CSTL1: variants seen among roughly 807,000 people sequenced by gnomAD.
The protein encoded by CSTL1 is cystatin-like 1.
A neutral mutation model predicts 14.4 loss-of-function variants in CSTL1; 14 were observed. That is an observed-to-expected ratio of 0.97 (90% CI 0.64 to 1.52). The LOEUF is 1.52. CSTL1 is among the 40% of genes most tolerant of loss of function. CSTL1 has a pLI of 0.00. For synonymous variants in CSTL1, 72 were observed against 67.5 expected, an observed-to-expected ratio of 1.07 and a Z score of -0.33; for missense variants, 170 against 168.7, an observed-to-expected ratio of 1.01 and a Z score of -0.04.
At chr20:23,457,049 C>A in the CSTL1 span, among the ~76,000 whole-genome samples, 2 of 152,174 alleles carry the variant, frequency 1.3e-5, no homozygotes, top group Non-Finnish European at 2.9e-5. Flanking sequence ...GCGGACATCT[C>A]GGGTGGGGTG....
In CSTL1 at chr20:23,444,787, C is replaced by G. The variant is rs1986929537; in HGVS notation, c.347C>G (p.Ser116Cys). 1 of 1,612,554 alleles carries G rather than the reference C, an allele frequency of 6.2e-7. No individual in the cohort carries two copies. The highest frequency in any genetic ancestry group is 8.5e-7 in the Non-Finnish European group (1 of 1,178,572). ...KKLRKSLICESLIYTMPWINY... is the reference protein window; with the variant it reads ...KKLRKSLICECLIYTMPWINY... Reference sequence around the variant, plus strand: ...CTTCTACAGAGTTTAATTTGCGAGTCTTTGATATACACCATGCCCTGGATA... The same window carrying G: ...CTTCTACAGAGTTTAATTTGCGAGTGTTTGATATACACCATGCCCTGGATA... Residue 116 changes from serine to cysteine, a missense_variant, in exon 4 of 4, where the codon TCT (serine) becomes TGT (cysteine). Coordinates refer to ENST00000347397, the MANE Select transcript of CSTL1 (RefSeq NM_138283.1).
the CSTL1 span, among the ~76,000 whole-genome samples, chr20:23,455,855 C>A: frequency 6.6e-6 from 1 of 152,332 alleles, no homozygotes; most frequent in Non-Finnish European, 1.5e-5. Context: ...GCCCTCCTGG[C>A]CCTGCATGGG....
rs1986870081 is a variant in CSTL1 at position 23,442,972 on chromosome 20, GC to G, written c.220-961del. Among the ~76,000 whole-genome samples, 3 of 152,210 alleles carry G rather than the reference GC, an allele frequency of 2.0e-5. No homozygotes were observed. In the South Asian group the frequency reaches 6.2e-4, roughly 32 times the overall value. Reference sequence around the variant, plus strand: ...GCGTAGGGCCTCCCTGCCCACAAGGGCTTTTCCAGGCTCCAACCCCTGCAGG... The same window carrying G: ...GCGTAGGGCCTCCCTGCCCACAAGGGTTTTCCAGGCTCCAACCCCTGCAGG... On this transcript the variant is annotated intron_variant, in intron 2 of 3. Coordinates refer to ENST00000347397, the MANE Select transcript of CSTL1 (RefSeq NM_138283.1).
chr20:23,448,073 G>A (rs943189208), downstream of CSTL1, among the ~76,000 whole-genome samples: 10 of 151,800 alleles, frequency 6.6e-5, no homozygotes, highest in Non-Finnish European at 7.4e-5. Flanking sequence ...TTGGGAACAG[G>A]TGCTGTTTGG....
At position 23,443,947 on chromosome 20, in the gene CSTL1, T is replaced by G. The variant is rs1986901577; in HGVS notation, c.233T>G (p.Val78Gly). The part of the protein sequence containing the change: ...IRSQMQLTTG[V>G]EYIVTVKIGW... ...GATTCTCGGCAGCTGACGACGGGAG[T>G]GGAGTATATAGTCACTGTGAAGATT... Residue 78 changes from valine to glycine, a missense_variant, in exon 3 of 4, where the codon GTG (valine) becomes GGG (glycine). Transcript: ENST00000347397. 6.2e-7 allele frequency: 1 copy of G among 1,612,872 alleles called. No homozygotes were observed. The highest frequency in any genetic ancestry group is 1.3e-5 in the African/African-American group (1 of 74,680).
the CSTL1 span, chr20:23,450,348 CTAT>C: frequency 1.9e-6 from 1 of 525,968 alleles, no homozygotes; most frequent in Non-Finnish European, 3.2e-6. Flanking sequence ...CAGATTATTA[CTAT>C]GAGCTGAAGA....
At chr20:23,451,297 T>C in the CSTL1 span, among the ~76,000 whole-genome samples, 3 of 151,812 alleles carry the variant, frequency 2.0e-5, no homozygotes, top group Admixed American at 6.6e-5. Flanking sequence ...TCGGGGGTGG[T>C]GGCTTCCCAG....
chr20:23,440,851 G>A, intron 2 of CSTL1: 1 of 341,494 alleles, frequency 2.9e-6, no homozygotes, highest in Non-Finnish European at 5.7e-6. Flanking sequence ...CCTCCTCCCA[G>A]GTTCAAGTGA....
the CSTL1 span, among the ~76,000 whole-genome samples, chr20:23,455,405 GTTT>G: frequency 1.3e-5 from 2 of 152,104 alleles, no homozygotes; most frequent in African/African-American, 4.8e-5. Flanking sequence ...ATGAAATTTT[GTTT>G]TTTATTGTCT....
At chr20:23,446,208 T>G (rs1486762883), downstream of CSTL1, among the ~76,000 whole-genome samples, 1 of 152,050 alleles carries the variant, frequency 6.6e-6, no homozygotes, top group African/African-American at 2.4e-5. Context: ...ACCCTCCAAG[T>G]TCTCAAACTC....
At chr20:23,454,429 C>T in the CSTL1 span, among the ~76,000 whole-genome samples, 1 of 152,094 alleles carries the variant, frequency 6.6e-6, no homozygotes, top group Non-Finnish European at 1.5e-5. Context: ...CATACCCACA[C>T]TCACGCTAAA....
chr20:23,456,721 G>A, the CSTL1 span, among the ~76,000 whole-genome samples: 1 of 152,142 alleles, frequency 6.6e-6, no homozygotes, highest in Admixed American at 6.5e-5. Flanking sequence ...TACAATCAAG[G>A]TACTGGCAGG....
In CSTL1 at chr20:23,440,313, C is replaced by T. The variant is rs751838579; in HGVS notation, c.46C>T (p.Leu16=). 1.9e-6 allele frequency: 3 copies of T among 1,614,178 alleles called. No homozygotes were observed. Among genetic ancestry groups the T allele is most frequent in the East Asian group, 2.2e-5 (1 of 44,882 alleles). ...WRNPLLLLIA[L]VLSAKLGHFQ... ...AAACCCCCTGCTGCTGCTGATTGCC[C>T]TGGTCCTGTCAGCCAAGCTGGGTCA... The change falls in exon 2 of 4, where the codon CTG becomes TTG. Residue 16 remains leucine, a synonymous_variant. Transcript: ENST00000347397.
Position 23,444,810 on chromosome 20 carries a change from A to G in CSTL1, c.370A>G (p.Ile124Val), listed in dbSNP as rs142364630. The G allele has an allele frequency of 5.1e-5, 82 of 1,614,012 alleles. No homozygotes were observed. The African/African-American group carries it at 8.8e-4, about 17-fold the overall frequency. The change falls in exon 4 of 4, where the codon ATA becomes GTA. Residue 124 changes from isoleucine to valine, a missense_variant. Ile to Val is a conservative substitution (Grantham distance 29, BLOSUM62 3). Transcript: ENST00000347397. ...GTCTTTGATATACACCATGCCCTGG[A>G]TAAACTATTTCCAGCTCTGGAACAA... ...CESLIYTMPW[I>V]NYFQLWNNSC... is the part of the protein sequence containing the mutation.
In CSTL1 at chr20:23,444,864, A is replaced by G; in HGVS notation, c.424A>G (p.Arg142Gly). Residue 142 changes from arginine (R) to glycine (G), a missense_variant, in exon 4 of 4, where the codon AGA (arginine) becomes GGA (glycine). Coordinates refer to ENST00000347397, the MANE Select transcript of CSTL1 (RefSeq NM_138283.1). ...CTGTCTGGAGGCCGAGCATGTGGGC[A>G]GAAACCTCAGATGAGGGCTCATATG... is the stretch of plus-strand genomic sequence containing the variant. ...NSCLEAEHVGRNLR is the reference protein window; with the variant it reads ...NSCLEAEHVGGNLR 6.2e-7 allele frequency: 1 copy of G among 1,611,220 alleles called. No homozygotes were observed. Among genetic ancestry groups the G allele is most frequent in the African/African-American group, 1.3e-5 (1 of 74,960 alleles).
chr20:23,447,350 G>T (rs1159320170), downstream of CSTL1, among the ~76,000 whole-genome samples: 1 of 151,978 alleles, frequency 6.6e-6, no homozygotes, highest in Non-Finnish European at 1.5e-5. Flanking sequence ...TTTATCTATT[G>T]TACTGATAAT....
chr20:23,441,130 T>C (rs564205722), intron 2 of CSTL1, among the ~76,000 whole-genome samples: 1 of 152,302 alleles, frequency 6.6e-6, no homozygotes, highest in African/African-American at 2.4e-5. Flanking sequence ...GCAAGGATAA[T>C]TTTGCTCCCT....
chr20:23,443,045 T>C (rs1265631783), intron 2 of CSTL1, among the ~76,000 whole-genome samples: 1 of 152,186 alleles, frequency 6.6e-6, no homozygotes, highest in Non-Finnish European at 1.5e-5. Context: ...CATGGGGAAA[T>C]CCCTGGCATG....
the CSTL1 span, among the ~76,000 whole-genome samples, chr20:23,455,978 C>A: frequency 1.3e-5 from 2 of 152,158 alleles, no homozygotes; most frequent in Non-Finnish European, 2.9e-5. Context: ...GGCTGGAATA[C>A]AAACTCTTCT....
Sources: allele counts gnomAD v4.1 joint callset (sites outside exome capture counted in the v4.1 genomes callset), GRCh38; gene constraint gnomAD v4.1.1; transcripts MANE v1.5; gene names NCBI Gene and HGNC (gene_info 2026-07-23, HGNC 2026-07-21).